PUF60: variants seen among roughly 807,000 people sequenced by gnomAD.
The protein encoded by PUF60 is poly(U)-binding-splicing factor PUF60.
PUF60 carries 10 observed loss-of-function variants against 61.8 expected under a neutral mutation model. The observed-to-expected ratio is 0.16, with a 90% CI of 0.10 to 0.27. The LOEUF is 0.27. PUF60 is among the 10% of genes least tolerant of loss of function. The pLI, the probability that PUF60 is intolerant of heterozygous loss-of-function variation, is 1.00. For synonymous variants in PUF60, 353 were observed against 300.9 expected (o/e 1.17, Z -1.79); for missense variants, 371 against 754.0 (o/e 0.49, Z 5.95).
At chr8:143,822,462 C>T (rs1229963886) in intron 2 of PUF60, 3 of 456,276 alleles carry the variant, frequency 6.6e-6, no homozygotes, top group South Asian at 1.5e-5. Flanking sequence ...CTCCCCCCAC[C>T]GTCCCCGCAG....
chr8:143,828,941 C>G, intron 1 of PUF60: 7 of 987,630 alleles, frequency 7.1e-6, no homozygotes, highest in Non-Finnish European at 7.2e-6. Context: ...ACGGCGCACA[C>G]CCCCGTCGGC....
chr8:143,826,704 G>C (rs189017907), intron 1 of PUF60, among the ~76,000 whole-genome samples: 3 of 152,070 alleles, frequency 2.0e-5, no homozygotes, highest in Non-Finnish European at 4.4e-5. Flanking sequence ...GGGCGATAAA[G>C]CAAAACTCCG....
intron 2 of PUF60, chr8:143,823,115 C>T (rs1340602308): frequency 1.2e-5 from 2 of 165,384 alleles, no homozygotes; most frequent in African/African-American, 2.4e-5. Context: ...AGGTCAAAGG[C>T]TGGCTGTGGG....
chr8:143,816,775 G>T lies in PUF60; in HGVS notation c.1425C>A (p.Ile475=), dbSNP rs200808991. The T allele has an allele frequency of 6.2e-7, 1 of 1,613,534 alleles. No individual in the cohort carries two copies. The highest frequency in any genetic ancestry group is 1.1e-5 in the South Asian group (1 of 91,078). ...TCACCTCCCCTTCCAGGTCATCATC[G>T]ATGTCCTTGGGGTCCACCATGTTGC... ...VLRNMVDPKD[I]DDDLEGEVTE... The change falls in exon 12 of 12, where the codon ATC becomes ATA. Residue 475 remains isoleucine (I), a synonymous_variant. Coordinates refer to ENST00000526683, the MANE Select transcript of PUF60 (RefSeq NM_078480.3).
At chr8:143,821,398 C>T in intron 4 of PUF60, 199 bp downstream of exon 4, 2 of 610,108 alleles carry the variant, frequency 3.3e-6, no homozygotes, top group Non-Finnish European at 5.8e-6. Flanking sequence ...TTTAGGGGCT[C>T]CAGCGAGCAA....
chr8:143,816,511 G>C lies in PUF60; in HGVS notation c.*9C>G, dbSNP rs771905228. ...GGAACAAGTGCAAGTCCGGGGAGAG[G>C]GACCACTGTCACGCAGAGAGGTCAC... On this transcript the variant is annotated 3_prime_UTR_variant, in exon 12 of 12. Coordinates refer to ENST00000526683, the MANE Select transcript of PUF60 (RefSeq NM_078480.3). 1.3e-5 allele frequency: 21 copies of C among 1,599,720 alleles called. No individual in the cohort carries two copies. The highest frequency in any genetic ancestry group is 1.8e-5 in the Non-Finnish European group (21 of 1,172,202).
In PUF60 at chr8:143,816,635, G is replaced by A. The variant is rs374890815; in HGVS notation, c.1565C>T (p.Ala522Val). ...CTGGATGGCCTTATGAGTCTCAGAGGCTATGGAAAACTCCACAAAGATCTT... is the reference window on the plus strand; with the variant it reads ...CTGGATGGCCTTATGAGTCTCAGAGACTATGGAAAACTCCACAAAGATCTT... Reference protein sequence around the residue: ...IVKIFVEFSIASETHKAIQAL... With the variant: ...IVKIFVEFSIVSETHKAIQAL... The change falls in exon 12 of 12, where the codon GCC (alanine) becomes GTC (valine). Residue 522 changes from alanine to valine, a missense_variant. This residue lies in a region of PUF60 where 19 missense variants were observed against 16.9 expected (regional missense o/e 1.12). Transcript: ENST00000526683. The A allele has an allele frequency of 2.7e-5, 44 of 1,613,678 alleles. No homozygotes were observed. The highest frequency in any genetic ancestry group is 3.6e-5 in the Non-Finnish European group (42 of 1,179,856).
intron 1 of PUF60, 156 bp downstream of exon 1, chr8:143,829,124 C>G (rs1818008031): frequency 8.5e-7 from 1 of 1,179,542 alleles, no homozygotes. Context: ...GCGCGCCCGC[C>G]CCGCCCCCGC....
chr8:143,817,835 C>A lies in PUF60; in HGVS notation c.817+27G>T, dbSNP rs370027016. 3.1e-6 allele frequency: 5 copies of A among 1,608,502 alleles called. No homozygotes were observed. The highest frequency in any genetic ancestry group is 4.2e-6 in the Non-Finnish European group (5 of 1,177,350). On this transcript the variant is annotated intron_variant, in intron 8 of 11. Coordinates refer to ENST00000526683, the MANE Select transcript of PUF60 (RefSeq NM_078480.3). The surrounding 1 kb of genome is among the most constrained non-coding windows in gnomAD (Gnocchi z 7.4). ...GCCAGCCCCAGCCTCAGGTGGCCCC[C>A]ATCCCGCCTCAGCCACCCCAGCTCA...
chr8:143,817,512 C>T lies in PUF60; in HGVS notation c.1009-46G>A, dbSNP rs749921919. 5 of 1,608,410 alleles carry T rather than the reference C, an allele frequency of 3.1e-6. No individual in the cohort carries two copies. The highest frequency in any genetic ancestry group is 4.2e-6 in the Non-Finnish European group (5 of 1,178,950). On this transcript the variant is annotated intron_variant, in intron 9 of 11. Transcript: ENST00000526683. The surrounding 1 kb of genome is among the most constrained non-coding windows in gnomAD (Gnocchi z 7.4). ...GTGCTCAGTCCCTGGTCTGGCTACTCAAGACCACCTTGAATCAGTCTCCAA... is the reference window on the plus strand; with the variant it reads ...GTGCTCAGTCCCTGGTCTGGCTACTTAAGACCACCTTGAATCAGTCTCCAA...
In PUF60 at chr8:143,816,679, C is replaced by T; in HGVS notation, c.1521G>A (p.Glu507=). ...AGATCTTGACAATGATTTCTGCATC[C>T]TCCTCCTCGCCTTGTTTCTCTTGGT... ...IIYQEKQGEE[E]DAEIIVKIFV... is the part of the protein sequence containing the mutation. Residue 507 remains glutamate, a synonymous_variant, in exon 12 of 12, where the codon GAG becomes GAA. Transcript: ENST00000526683. The T allele has an allele frequency of 1.2e-6, 2 of 1,613,892 alleles. No homozygotes were observed. The highest frequency in any genetic ancestry group is 8.5e-7 in the Non-Finnish European group (1 of 1,179,872).
At position 143,824,348 on chromosome 8, in the gene PUF60, C is replaced by T; in HGVS notation, c.76G>A (p.Val26Met). 6.2e-7 allele frequency: 1 copy of T among 1,612,472 alleles called. No homozygotes were observed. Among genetic ancestry groups the T allele is most frequent in the Non-Finnish European group, 8.5e-7 (1 of 1,179,676 alleles). The change falls in exon 2 of 12, where the codon GTG (valine) becomes ATG (methionine). Residue 26 changes from valine to methionine, a missense_variant. Around this residue, in one of 13 missense-constraint regions of PUF60, gnomAD observed 69 missense variants for 64.7 expected, o/e 1.07. Transcript: ENST00000526683. ...GGSEPAAAAA[V>M]VAAGDKWKPP... ...TTCCATTTGTCTCCCGCTGCCACCA[C>T]TGCCGCCGCCGCCGCCGGCTCGGAC...
intron 1 of PUF60, chr8:143,825,268 T>A (rs1817514437): frequency 6.6e-6 from 1 of 152,278 alleles, no homozygotes. Flanking sequence ...TGGAGCCATG[T>A]GCGCAAAGCC....
At position 143,816,423 on chromosome 8, in the gene PUF60, C is replaced by A. The variant is rs1816282229; in HGVS notation, c.*97G>T. 2.2e-6 allele frequency: 3 copies of A among 1,372,404 alleles called. No individual in the cohort carries two copies. The highest frequency in any genetic ancestry group is 2.9e-6 in the Non-Finnish European group (3 of 1,019,670). 85.0% of individuals were successfully genotyped at this position (1,372,404 alleles called of 1,614,324 possible). ...ACCTTTATCCGCACTGTAGGCTGGG[C>A]TGGGCAGAGCGCGCCTGGCCCCGGG... On this transcript the variant is annotated 3_prime_UTR_variant, in exon 12 of 12. Coordinates refer to ENST00000526683, the MANE Select transcript of PUF60 (RefSeq NM_078480.3).
chr8:143,820,343 G>A (rs1816873371), intron 5 of PUF60: 2 of 422,156 alleles, frequency 4.7e-6, no homozygotes, highest in African/African-American at 2.1e-5. Flanking sequence ...GGAGGCCGTG[G>A]GCACACCCCG....
intron 5 of PUF60, among the ~76,000 whole-genome samples, chr8:143,819,924 T>C (rs1314547950): frequency 1.3e-5 from 2 of 152,096 alleles, no homozygotes; most frequent in Non-Finnish European, 1.5e-5. Context: ...GAACAAGGCG[T>C]GTGTTGCCCC....
chr8:143,816,446 G>C lies in PUF60; in HGVS notation c.*74C>G, dbSNP rs532580105. ...GGCTGGGCAGAGCGCGCCTGGCCCCGGGGACACCACTGTATCACTATAAAA... is the reference window on the plus strand; with the variant it reads ...GGCTGGGCAGAGCGCGCCTGGCCCCCGGGACACCACTGTATCACTATAAAA... On this transcript the variant is annotated 3_prime_UTR_variant, in exon 12 of 12. Coordinates refer to ENST00000526683, the MANE Select transcript of PUF60 (RefSeq NM_078480.3). 5 of 1,504,478 alleles carry C rather than the reference G, an allele frequency of 3.3e-6. No individual in the cohort carries two copies. In the South Asian group the frequency reaches 5.1e-5, roughly 15 times the overall value. The allele number at this position is 1,504,478 out of a possible 1,614,324, so 93.2% of individuals were successfully genotyped here. A position where few individuals can be genotyped will look rare whatever the true frequency, so the allele number is the denominator to read the frequency against.
chr8:143,828,166 C>T (rs1267458891), intron 1 of PUF60, among the ~76,000 whole-genome samples: 2 of 152,216 alleles, frequency 1.3e-5, no homozygotes, highest in Non-Finnish European at 2.9e-5. Context: ...TGTGTAAATG[C>T]CTCTCTCCCC....
chr8:143,817,226 G>A lies in PUF60; in HGVS notation c.1145-81C>T. On this transcript the variant is annotated intron_variant, in intron 10 of 11. Transcript: ENST00000526683. This position sits in a 1 kb window ranked among gnomAD's most constrained non-coding sequence, Gnocchi z 7.4. ...AAGGCACAGAGCTGGCCTGCCCTGGGCTCAGAGGGTTGTGCCCAGACCACC... is the reference window on the plus strand; with the variant it reads ...AAGGCACAGAGCTGGCCTGCCCTGGACTCAGAGGGTTGTGCCCAGACCACC... 6.6e-7 allele frequency: 1 copy of A among 1,520,910 alleles called. No individual in the cohort carries two copies. The highest frequency in any genetic ancestry group is 8.8e-7 in the Non-Finnish European group (1 of 1,133,510). 94.2% of individuals were successfully genotyped at this position (1,520,910 alleles called of 1,614,324 possible). A position where few individuals can be genotyped will look rare whatever the true frequency, so the allele number is the denominator to read the frequency against.
Sources: allele counts gnomAD v4.1 joint callset (sites outside exome capture counted in the v4.1 genomes callset), GRCh38; gene constraint gnomAD v4.1.1; regional missense constraint gnomAD v4.1.1; non-coding constraint Gnocchi (gnomAD v3.1); transcripts MANE v1.5; gene names NCBI Gene and HGNC (gene_info 2026-07-23, HGNC 2026-07-21).